ANKRD30BL: variants seen among roughly 807,000 people sequenced by gnomAD.
ANKRD30BL encodes the protein ankyrin repeat domain 30B like, also known as putative ankyrin repeat domain-containing protein 30B-like.
A neutral mutation model predicts 18.4 loss-of-function variants in ANKRD30BL; 20 were observed. The observed-to-expected ratio is 1.09, with a 90% CI of 0.77 to 1.58. ANKRD30BL has a LOEUF of 1.58. Ranked by LOEUF, ANKRD30BL falls within the 40% of genes most tolerant of loss-of-function variation. The pLI is 0.00. For missense variants in ANKRD30BL, 224 were observed against 268.6 expected (o/e 0.83, Z 1.16); for synonymous variants, 72 against 100.9 (o/e 0.71, Z 1.72).
Position 132,154,667 on chromosome 2 carries a change from A to T in ANKRD30BL, c.609T>A (p.Phe203Leu). Residue 203 changes from phenylalanine (F) to leucine (L), a missense_variant, in exon 4 of 6, where the codon TTT becomes TTA. By Grantham distance (22) the Phe-to-Leu change is conservative. Transcript: ENST00000409867. ...KNANANAVDK[F>L]KCVHQQLLEY... ...AATAAAAAAAACTACTATACCATTT[A>T]AACTTATCAACTGCATTTGCATTTG... The T allele has an allele frequency of 2.8e-6, 2 of 715,022 alleles. No homozygotes were observed. The allele number at this position is 715,022 out of a possible 1,614,324, so 44.3% of individuals were successfully genotyped here. A position where few individuals can be genotyped will look rare whatever the true frequency, so the allele number is the denominator to read the frequency against.
intron 1 of ANKRD30BL, among the ~76,000 whole-genome samples, chr2:132,255,508 G>A (rs567737365): frequency 6.6e-6 from 1 of 151,574 alleles, no homozygotes; most frequent in Non-Finnish European, 1.5e-5. Flanking sequence ...CCGCTCCCAA[G>A]ATTCAACTAC....
upstream of ANKRD30BL, among the ~76,000 whole-genome samples, chr2:132,166,856 T>A (rs564982202): frequency 1.3e-5 from 2 of 152,166 alleles, no homozygotes; most frequent in Admixed American, 1.3e-4. Flanking sequence ...TGGATTTTCT[T>A]TTTCTAGTTT....
Position 132,216,357 on chromosome 2 carries a change from C to A in ANKRD30BL, n.441+41172G>T, listed in dbSNP as rs574202590. Among the ~76,000 whole-genome samples, 327 of 152,068 alleles carry A rather than the reference C, an allele frequency of 2.2e-3. 1 individual carries two copies. Among genetic ancestry groups the A allele is most frequent in the African/African-American group, 7.4e-3 (309 of 41,516 alleles). ...CCTACGGTGGAAAAGGAAATATCTT[C>A]ACATAAGAGCTAGACAGAAGCATCC... On this transcript the variant is annotated intron_variant and non_coding_transcript_variant, in intron 1 of 4. Transcript: ENST00000470729.
intron 1 of ANKRD30BL, among the ~76,000 whole-genome samples, chr2:132,231,292 C>T (rs946847651): frequency 1.3e-5 from 2 of 152,180 alleles, no homozygotes; most frequent in African/African-American, 2.4e-5. Context: ...ATTTGGACCG[C>T]TTTGAGGCCT....
rs149790395 is a variant in ANKRD30BL, at chr2:132,154,715, C to T, written c.561G>A (p.Val187=). 1.3e-3 allele frequency: 936 copies of T among 733,984 alleles called. 5 individuals are homozygous for T. The African/African-American group carries it at 0.013, about 11-fold the overall frequency. The allele number at this position is 733,984 out of a possible 1,614,324, so 45.5% of individuals were successfully genotyped here. A position where few individuals can be genotyped will look rare whatever the true frequency, so the allele number is the denominator to read the frequency against. ...LAIRKRSEEI[V]EFLLTKNANA... ...TTGCATTTTTTGTCAGTAAAAATTC[C>T]ACAATTTCCTCACTTCTTTTCCTTA... is the stretch of plus-strand genomic sequence containing the variant. The change falls in exon 4 of 6, where the codon GTG becomes GTA. Residue 187 remains valine, a synonymous_variant. Coordinates refer to ENST00000409867, the MANE Select transcript of ANKRD30BL (RefSeq NM_001358416.1).
At chr2:132,166,838 A>G (rs1440220918), upstream of ANKRD30BL, among the ~76,000 whole-genome samples, 3 of 151,450 alleles carry the variant, frequency 2.0e-5, no homozygotes, top group African/African-American at 7.3e-5. Flanking sequence ...TTCCCTTGTT[A>G]TTTACTTTGG....
chr2:132,252,122 T>C (rs1680664312), intron 1 of ANKRD30BL, among the ~76,000 whole-genome samples: 1 of 145,862 alleles, frequency 6.9e-6, no homozygotes. Context: ...ATTAAAACTG[T>C]ATTTTTTTTT....
intron 1 of ANKRD30BL, among the ~76,000 whole-genome samples, chr2:132,201,548 T>G (rs953150548): frequency 6.6e-6 from 1 of 152,144 alleles, no homozygotes; most frequent in African/African-American, 2.4e-5. Context: ...AAAATGCTCA[T>G]CATCACTGGC....
intron 1 of ANKRD30BL, among the ~76,000 whole-genome samples, chr2:132,237,483 T>C (rs1002834059): frequency 6.6e-6 from 1 of 151,940 alleles, no homozygotes; most frequent in African/African-American, 2.4e-5. Flanking sequence ...CTCAGAAACT[T>C]ATTTGTGATG....
chr2:132,201,676 A>C (rs1422815197), intron 1 of ANKRD30BL, among the ~76,000 whole-genome samples: 1 of 152,168 alleles, frequency 6.6e-6, no homozygotes. Flanking sequence ...AAATAGGAAC[A>C]CTTTTACACT....
chr2:132,149,219 T>G (rs1477756006), intron 5 of ANKRD30BL, among the ~76,000 whole-genome samples: 1 of 152,206 alleles, frequency 6.6e-6, no homozygotes, highest in East Asian at 1.9e-4. Context: ...TTGTGAAAAT[T>G]TTTTCCACTT....
chr2:132,186,678 G>T (rs1462048630), intron 1 of ANKRD30BL, among the ~76,000 whole-genome samples: 2 of 152,080 alleles, frequency 1.3e-5, no homozygotes, highest in African/African-American at 2.4e-5. Flanking sequence ...AAAATAATTA[G>T]AACTAAACAC....
At chr2:132,199,469 G>A (rs1452046620) in intron 1 of ANKRD30BL, among the ~76,000 whole-genome samples, 2 of 151,994 alleles carry the variant, frequency 1.3e-5, no homozygotes, top group South Asian at 2.1e-4. Flanking sequence ...AGAAGAGCAA[G>A]TGTAAAATAA....
intron 1 of ANKRD30BL, among the ~76,000 whole-genome samples, chr2:132,210,873 G>C (rs1243268263): frequency 5.7e-3 from 697 of 121,276 alleles, no homozygotes; most frequent in African/African-American, 9.8e-3. Context: ...TGGTGGAAAG[G>C]GAAATATCTT....
rs1018678531 is a variant in ANKRD30BL, at chr2:132,199,984, C to A, written n.442-42838G>T. ...CCAACACGATCAAGTGGGCTTCATC[C>A]CTGGGATGCAAGGCTGGTTCAATAT... On this transcript the variant is annotated intron_variant and non_coding_transcript_variant, in intron 1 of 4. Transcript: ENST00000470729. 1.1e-3 allele frequency among the ~76,000 whole-genome samples: 161 copies of A among 152,226 alleles called. 2 individuals are homozygous for A. The Middle Eastern group carries it at 0.014, about 13-fold the overall frequency.
chr2:132,170,599 A>G (rs1434027119), intron 1 of ANKRD30BL, among the ~76,000 whole-genome samples: 2 of 152,214 alleles, frequency 1.3e-5, no homozygotes, highest in Non-Finnish European at 2.9e-5. Context: ...CCAAGGTCAT[A>G]CATGTGTTTA....
At chr2:132,197,845 T>G (rs1678997080) in intron 1 of ANKRD30BL, among the ~76,000 whole-genome samples, 1 of 152,024 alleles carries the variant, frequency 6.6e-6, no homozygotes, top group Non-Finnish European at 1.5e-5. Flanking sequence ...CTGTCTTATC[T>G]AATTACCCTG....
chr2:132,251,191 G>T (rs1041730709), intron 1 of ANKRD30BL, among the ~76,000 whole-genome samples: 1 of 152,168 alleles, frequency 6.6e-6, no homozygotes, highest in Non-Finnish European at 1.5e-5. Flanking sequence ...GTACAGGGAT[G>T]TCTTAGGTAC....
At chr2:132,248,824 A>G (rs1680572689) in intron 1 of ANKRD30BL, among the ~76,000 whole-genome samples, 1 of 152,078 alleles carries the variant, frequency 6.6e-6, no homozygotes, top group African/African-American at 2.4e-5. Context: ...GCTGACAAAT[A>G]TACCTTTGCC....
Sources: allele counts gnomAD v4.1 joint callset (sites outside exome capture counted in the v4.1 genomes callset), GRCh38; gene constraint gnomAD v4.1.1; transcripts MANE v1.5; gene names NCBI Gene and HGNC (gene_info 2026-07-23, HGNC 2026-07-21).